MVB12B: variants seen among roughly 807,000 people sequenced by gnomAD.
MVB12B encodes the protein multivesicular body subunit 12B, also known as ESCRT-I complex subunit MVB12B.
In MVB12B, 16 loss-of-function variants were observed where a neutral mutation model predicts 41.6. The ratio of observed to expected loss-of-function variants is 0.38; its 90% CI spans 0.26 to 0.58. The LOEUF is 0.58. MVB12B is among the 20% of genes least tolerant of loss of function. The pLI is 0.62. For missense variants in MVB12B, 274 were observed against 380.2 expected, an observed-to-expected ratio of 0.72 and a Z score of 2.32; for synonymous variants, 133 against 139.7, an observed-to-expected ratio of 0.95 and a Z score of 0.34.
At chr9:126,412,732 TAA>T (rs1259857969) in intron 6 of MVB12B, among the ~76,000 whole-genome samples, 1 of 152,244 alleles carries the variant, frequency 6.6e-6, no homozygotes, top group East Asian at 1.9e-4. Context: ...CAGTCACCTC[TAA>T]GTTACTCCCT....
chr9:126,442,521 T>G (rs894821894), intron 7 of MVB12B, among the ~76,000 whole-genome samples: 3 of 152,216 alleles, frequency 2.0e-5, no homozygotes, highest in African/African-American at 7.2e-5. Flanking sequence ...TCACAATGGC[T>G]TACAGTTTCA....
At position 126,486,625 on chromosome 9, in the gene MVB12B, G is replaced by A. The variant is rs1833623881; in HGVS notation, c.873+2593G>A. Among the ~76,000 whole-genome samples the A allele has an allele frequency of 6.6e-6, 1 of 152,248 alleles. No homozygotes were observed. Among genetic ancestry groups the A allele is most frequent in the East Asian group, 1.9e-4 (1 of 5,202 alleles). On this transcript the variant is annotated intron_variant, in intron 9 of 9. Coordinates refer to ENST00000361171, the MANE Select transcript of MVB12B (RefSeq NM_033446.3). The surrounding 1 kb of genome is among the most constrained non-coding windows in gnomAD (Gnocchi z 4.7). ...GCTCCGGCCTGCCTGTGGGCCTAATGGTGGCACCGTTTAAGCACCTGCTGT... is the reference window on the plus strand; with the variant it reads ...GCTCCGGCCTGCCTGTGGGCCTAATAGTGGCACCGTTTAAGCACCTGCTGT...
chr9:126,352,026 T>C (rs1051014328), intron 2 of MVB12B, among the ~76,000 whole-genome samples: 2 of 152,202 alleles, frequency 1.3e-5, no homozygotes, highest in African/African-American at 4.8e-5. Flanking sequence ...TAAACCAGCC[T>C]TGCATCCCTG....
rs565366416 is a variant in MVB12B at position 126,415,232 on chromosome 9, A to G, written c.663-6622A>G. On this transcript the variant is annotated intron_variant, in intron 6 of 9. Transcript: ENST00000361171. The stretch of plus-strand genomic sequence containing the variant: ...TAGACAATCCAACCTGTTTATTCTC[A>G]TGAACCAGAGGCCTTTGTATGGGAA... Among the ~76,000 whole-genome samples, 10 of 152,206 alleles carry G rather than the reference A, an allele frequency of 6.6e-5. No individual in the cohort carries two copies. The East Asian group carries it at 1.5e-3, about 24-fold the overall frequency.
intron 6 of MVB12B, among the ~76,000 whole-genome samples, chr9:126,404,424 A>G (rs1588143970): frequency 6.6e-6 from 1 of 152,362 alleles, no homozygotes; most frequent in East Asian, 1.9e-4. Context: ...GTTAGTGTGC[A>G]GACTGTCACG....
intron 2 of MVB12B, among the ~76,000 whole-genome samples, chr9:126,377,909 AT>A (rs1830524642): frequency 6.6e-6 from 1 of 152,220 alleles, no homozygotes; most frequent in Non-Finnish European, 1.5e-5. Context: ...GTTTAGAAAC[AT>A]TCGCGCTGTC....
chr9:126,409,125 C>CAA (rs1564315494), intron 6 of MVB12B, among the ~76,000 whole-genome samples: 4,919 of 151,250 alleles, frequency 0.033, 247 homozygotes, highest in African/African-American at 0.11. Context: ...TGGGGGGGGG[C>CAA]TCAGTAATGC....
intron 7 of MVB12B, chr9:126,448,264 T>G (rs1832827956): frequency 6.6e-6 from 1 of 152,594 alleles, no homozygotes; most frequent in African/African-American, 2.4e-5. Flanking sequence ...TCCCCTGCTG[T>G]GGGCACAAGC....
chr9:126,484,071 C>T, intron 9 of MVB12B, 39 bp downstream of exon 9: 1 of 1,589,356 alleles, frequency 6.3e-7, no homozygotes, highest in Non-Finnish European at 8.6e-7. Context: ...CAGGCCTGGG[C>T]CATCGCCTGC....
chr9:126,432,963 A>C (rs1306593327), intron 7 of MVB12B, among the ~76,000 whole-genome samples: 2 of 152,206 alleles, frequency 1.3e-5, no homozygotes, highest in Non-Finnish European at 2.9e-5. Context: ...GGACCTCATC[A>C]GAGTGAGGCC....
At chr9:126,358,132 G>T (rs190977505) in intron 2 of MVB12B, among the ~76,000 whole-genome samples, 3 of 152,260 alleles carry the variant, frequency 2.0e-5, no homozygotes, top group Admixed American at 2.0e-4. Flanking sequence ...GATCGTAGAT[G>T]TATAGGCACA....
intron 9 of MVB12B, among the ~76,000 whole-genome samples, chr9:126,494,183 A>G (rs967185068): frequency 1.3e-5 from 2 of 152,094 alleles, no homozygotes; most frequent in African/African-American, 2.4e-5. Context: ...GCTTTTGACA[A>G]ATATCTTTGA....
At chr9:126,357,538 C>A (rs1042175725) in intron 2 of MVB12B, among the ~76,000 whole-genome samples, 7 of 152,100 alleles carry the variant, frequency 4.6e-5, no homozygotes, top group Non-Finnish European at 8.8e-5. Context: ...TAATCTTAAC[C>A]ATTCTAGTGG....
rs1834030981 is a variant in MVB12B, at chr9:126,504,676, C to T, written c.*1413C>T. On this transcript the variant is annotated 3_prime_UTR_variant, in exon 10 of 10. Coordinates refer to ENST00000361171, the MANE Select transcript of MVB12B (RefSeq NM_033446.3). ...ATACCTCATGCCCCTGCACCAGCCCCTCCGTCTCCAGGCCCCAGGCCTCTT... is the reference window on the plus strand; with the variant it reads ...ATACCTCATGCCCCTGCACCAGCCCTTCCGTCTCCAGGCCCCAGGCCTCTT... 1 of 152,848 alleles carries T rather than the reference C, an allele frequency of 6.5e-6. No homozygotes were observed. The highest frequency in any genetic ancestry group is 6.5e-5 in the Admixed American group (1 of 15,288). The allele number at this position is 152,848 out of a possible 1,614,324, so 9.5% of individuals were successfully genotyped here. A position where few individuals can be genotyped will look rare whatever the true frequency, so the allele number is the denominator to read the frequency against.
At chr9:126,464,379 A>G (rs1338380764) in intron 7 of MVB12B, among the ~76,000 whole-genome samples, 1 of 152,208 alleles carries the variant, frequency 6.6e-6, no homozygotes, top group African/African-American at 2.4e-5. Context: ...GCTAAATCCT[A>G]AAGTGTAGGG....
At chr9:126,444,636 A>C (rs1832720765) in intron 7 of MVB12B, among the ~76,000 whole-genome samples, 1 of 151,450 alleles carries the variant, frequency 6.6e-6, no homozygotes, top group Admixed American at 6.6e-5. Context: ...CTTTCATTTC[A>C]TGTTTCCTTT....
At chr9:126,397,248 T>C in intron 6 of MVB12B, 1 of 985,492 alleles carries the variant, frequency 1.0e-6, no homozygotes, top group African/African-American at 1.7e-5. Flanking sequence ...TTTGACTTTC[T>C]GTGGTTAAAG....
intron 7 of MVB12B, among the ~76,000 whole-genome samples, chr9:126,461,380 AAAAG>A (rs1045216309): frequency 1.3e-5 from 2 of 152,244 alleles, no homozygotes; most frequent in South Asian, 2.1e-4. Flanking sequence ...TATAAAAAAA[AAAAG>A]AGCTAAACAG....
At chr9:126,369,453 T>C (rs1004969469) in intron 2 of MVB12B, among the ~76,000 whole-genome samples, 1 of 152,196 alleles carries the variant, frequency 6.6e-6, no homozygotes, top group African/African-American at 2.4e-5. Flanking sequence ...CAGATTTCTT[T>C]TTTAATAAAA....
Sources: gnomAD v4.1 joint callset for allele counts (sites outside exome capture counted in the v4.1 genomes callset) on GRCh38, gnomAD v4.1.1 for gene constraint, Gnocchi (gnomAD v3.1) non-coding constraint, MANE v1.5 for transcripts, NCBI Gene and HGNC (gene_info 2026-07-23, HGNC 2026-07-21) for gene names.